The following PHF13 variants were observed in gnomAD, a reference collection of about 807,000 sequenced individuals.
PHF13 encodes PHD finger protein 13, also known as PHD zinc finger protein PHF5.
PHF13 carries 1 observed loss-of-function variant against 25.8 expected under a neutral mutation model. The ratio of observed to expected loss-of-function variants is 0.04; its 90% confidence interval spans 0.01 to 0.18. The LOEUF (loss-of-function observed/expected upper bound fraction) is 0.18, where lower values mean the gene tolerates loss of function less well. Among genes scored for constraint, PHF13 ranks in the 10% least tolerant of loss-of-function variants. The probability of loss-of-function intolerance (pLI) is 1.00; values close to 1 mark genes in which losing one functional copy is unlikely to be tolerated. For missense variants in PHF13, 306 were observed against 403.2 expected (o/e 0.76, Z 2.06); for synonymous variants, 195 against 162.4 (o/e 1.20, Z -1.53).
At position 6,620,066 on chromosome 1, in the gene PHF13, C is replaced by T. The variant is rs1382386892; in HGVS notation, c.405C>T (p.Tyr135=). The T allele has an allele frequency of 2.5e-6, 4 of 1,613,260 alleles. No homozygotes were observed. The highest frequency in any genetic ancestry group is 1.6e-4 in the Middle Eastern group (1 of 6,084). Residue 135 remains tyrosine (Y), a synonymous_variant, in exon 3 of 4, where the codon TAC becomes TAT. Transcript: ENST00000377648. Reference sequence around the variant, plus strand: ...GTGATGCGCCTGGGAAAGAGGGGTACAGGGGGGGCTTGCTGAAGCTGGAAG... The same window carrying T: ...GTGATGCGCCTGGGAAAGAGGGGTATAGGGGGGGCTTGCTGAAGCTGGAAG... The part of the protein sequence containing the change: ...RDSDAPGKEG[Y]RGGLLKLEAA...
Position 6,614,116 on chromosome 1 carries a change from C to T in PHF13, c.39+11C>T, listed in dbSNP as rs1022805654. 1 of 1,597,418 alleles carries T rather than the reference C, an allele frequency of 6.3e-7. No homozygotes were observed. The highest frequency in any genetic ancestry group is 8.5e-7 in the Non-Finnish European group (1 of 1,173,582). On this transcript the variant is annotated intron_variant, in intron 1 of 3. Transcript: ENST00000377648. ...GCCTTCCACCCGGAGGTGAGTGAAG[C>T]TGTGCGTCCGAATCGCCCCCGACCA... is the stretch of plus-strand genomic sequence containing the variant.
chr1:6,616,725 C>A (rs376862032), intron 1 of PHF13, 32 bp from the exon 2 acceptor site: 17 of 1,582,520 alleles, frequency 1.1e-5, no homozygotes, highest in Non-Finnish European at 1.3e-5. Flanking sequence ...GCCTCTCCTT[C>A]AAACACATTC....
chr1:6,616,781 C>T lies in PHF13; in HGVS notation c.64C>T (p.Arg22Cys). The T allele has an allele frequency of 1.2e-6, 2 of 1,614,092 alleles. No homozygotes were observed. The highest frequency in any genetic ancestry group is 2.2e-5 in the East Asian group (1 of 44,890). Residue 22 changes from arginine (R) to cysteine (C), a missense_variant, in exon 2 of 4, where the codon CGC (arginine) becomes TGC (cysteine). Transcript: ENST00000377648. The stretch of plus-strand genomic sequence containing the variant: ...GGAATACTCCCCCAGTTGCAAGAGG[C>T]GCAGGACCGTGGAAGACTTCAACAA... ...PEEYSPSCKR[R>C]RTVEDFNKFC...
rs547958436 is a variant in PHF13, at chr1:6,614,290, G to A, written c.39+185G>A. On this transcript the variant is annotated intron_variant, in intron 1 of 3. Coordinates refer to ENST00000377648, the MANE Select transcript of PHF13 (RefSeq NM_153812.3). ...GGCCCGCGCTCGGTCCTCTCCGCCG[G>A]GCCTCGCCTCCGCGTCCCCTCCGCG... 4.5e-4 allele frequency among the ~76,000 whole-genome samples: 66 copies of A among 146,062 alleles called. 1 individual carries two copies. The highest frequency in any genetic ancestry group is 1.4e-3 in the African/African-American group (54 of 39,132).
In PHF13 at chr1:6,620,135, G is replaced by A; in HGVS notation, c.474G>A (p.Gln158=). The A allele has an allele frequency of 6.2e-7, 1 of 1,613,748 alleles. No individual in the cohort carries two copies. The highest frequency in any genetic ancestry group is 1.1e-5 in the South Asian group (1 of 91,082). ...YVETPTSPTL[Q]DIPQAPSDPC... ...AGACCCCCACGAGTCCCACCTTGCA[G>A]GATATCCCCCAGGCTCCCAGCGACC... Residue 158 remains glutamine, a synonymous_variant, in exon 3 of 4, where the codon CAG becomes CAA. Transcript: ENST00000377648.
intron 2 of PHF13, 88 bp downstream of exon 2, chr1:6,616,946 A>AG: frequency 9.0e-7 from 1 of 1,111,928 alleles, no homozygotes. Context: ...GACTGGTCAG[A>AG]GGGTCAGTAG....
At chr1:6,614,384 C>G (rs1570220946) in intron 1 of PHF13, 1 of 435,824 alleles carries the variant, frequency 2.3e-6, no homozygotes, top group Non-Finnish European at 4.1e-6. Flanking sequence ...CGGGCCGCCC[C>G]TCTCCGGCCT....
rs1035285754 is a variant in PHF13, at chr1:6,623,781, C to T, written c.*2144C>T. ...AGCTTCTTTATATGCAAATTAGGCA[C>T]GACCCATCTGTGGTTCCTGGTTGGT... On this transcript the variant is annotated 3_prime_UTR_variant, in exon 4 of 4. Coordinates refer to ENST00000377648, the MANE Select transcript of PHF13 (RefSeq NM_153812.3). The T allele has an allele frequency of 4.6e-5, 7 of 152,604 alleles. No individual in the cohort carries two copies. The highest frequency in any genetic ancestry group is 1.7e-4 in the African/African-American group (7 of 41,436). 9.5% of individuals were successfully genotyped at this position (152,604 alleles called of 1,614,324 possible).
chr1:6,619,694 G>A (rs1641309573), intron 2 of PHF13, 109 bp from the exon 3 acceptor site: 1 of 1,152,162 alleles, frequency 8.7e-7, no homozygotes, highest in African/African-American at 1.5e-5. Context: ...GAAGCTCAAA[G>A]TTGTGCAGAT....
In PHF13 at chr1:6,621,643, G is replaced by A; in HGVS notation, c.*6G>A. 1 of 1,613,864 alleles carries A rather than the reference G, an allele frequency of 6.2e-7. No homozygotes were observed. The highest frequency in any genetic ancestry group is 8.5e-7 in the Non-Finnish European group (1 of 1,179,868). ...GGAAGCTGTTCCTGGACTGACTGCT[G>A]GCTGGCGAGGAGGCTGCGAGCGTGG... On this transcript the variant is annotated 3_prime_UTR_variant, in exon 4 of 4. Coordinates refer to ENST00000377648, the MANE Select transcript of PHF13 (RefSeq NM_153812.3). This position sits in a 1 kb window ranked among gnomAD's most constrained non-coding sequence, Gnocchi z 4.8.
Position 6,614,105 on chromosome 1 carries a change from G to A in PHF13, c.39G>A (p.Glu13=), listed in dbSNP as rs1482766051. 6.3e-7 allele frequency: 1 copy of A among 1,598,704 alleles called. No homozygotes were observed. Among genetic ancestry groups the A allele is most frequent in the East Asian group, 2.3e-5 (1 of 42,822 alleles). ...CTTGCGCCGCCGCCTTCCACCCGGAGGTGAGTGAAGCTGTGCGTCCGAATC... is the reference window on the plus strand; with the variant it reads ...CTTGCGCCGCCGCCTTCCACCCGGAAGTGAGTGAAGCTGTGCGTCCGAATC... The part of the protein sequence containing the change: ...SDSCAAAFHP[E]EYSPSCKRRR... Residue 13 remains glutamate (E), a splice_region_variant and synonymous_variant, in exon 1 of 4, where the codon GAG becomes GAA. Coordinates refer to ENST00000377648, the MANE Select transcript of PHF13 (RefSeq NM_153812.3).
At chr1:6,618,113 C>T (rs997458117) in intron 2 of PHF13, among the ~76,000 whole-genome samples, 5 of 151,450 alleles carry the variant, frequency 3.3e-5, no homozygotes, top group East Asian at 3.9e-4. Context: ...CTTTCGTATT[C>T]GATTAAGCTC....
In PHF13 at chr1:6,621,638, C is replaced by A; in HGVS notation, c.*1C>A. 6.2e-7 allele frequency: 1 copy of A among 1,613,992 alleles called. No individual in the cohort carries two copies. The highest frequency in any genetic ancestry group is 8.5e-7 in the Non-Finnish European group (1 of 1,179,958). On this transcript the variant is annotated 3_prime_UTR_variant, in exon 4 of 4. Transcript: ENST00000377648. The surrounding 1 kb of genome is among the most constrained non-coding windows in gnomAD (Gnocchi z 4.8). ...CTCCCGGAAGCTGTTCCTGGACTGA[C>A]TGCTGGCTGGCGAGGAGGCTGCGAG...
At position 6,621,067 on chromosome 1, in the gene PHF13, G is replaced by A. The variant is rs1641331866; in HGVS notation, c.677-344G>A. On this transcript the variant is annotated intron_variant, in intron 3 of 3. Coordinates refer to ENST00000377648, the MANE Select transcript of PHF13 (RefSeq NM_153812.3). The surrounding 1 kb of genome is among the most constrained non-coding windows in gnomAD (Gnocchi z 4.8). The stretch of plus-strand genomic sequence containing the variant: ...AAAAACAATAGTCGAGTGTGGTGGT[G>A]TGTGCCTGTAGTCCCAGCTATTTGG... Among the ~76,000 whole-genome samples the A allele has an allele frequency of 6.6e-6, 1 of 151,174 alleles. No homozygotes were observed. Among genetic ancestry groups the A allele is most frequent in the Non-Finnish European group, 1.5e-5 (1 of 67,852 alleles).
Position 6,621,384 on chromosome 1 carries a change from C to A in PHF13, c.677-27C>A. The A allele has an allele frequency of 6.2e-7, 1 of 1,609,588 alleles. No homozygotes were observed. Among genetic ancestry groups the A allele is most frequent in the Non-Finnish European group, 8.5e-7 (1 of 1,176,154 alleles). On this transcript the variant is annotated intron_variant, in intron 3 of 3. Coordinates refer to ENST00000377648, the MANE Select transcript of PHF13 (RefSeq NM_153812.3). The surrounding 1 kb of genome is among the most constrained non-coding windows in gnomAD (Gnocchi z 4.8). Reference sequence around the variant, plus strand: ...CGAGGAATGATGGGAATTTCTCTTCCCTCCTTGAGAGTATCTTTCCTTCCA... The same window carrying A: ...CGAGGAATGATGGGAATTTCTCTTCACTCCTTGAGAGTATCTTTCCTTCCA...
intron 2 of PHF13, among the ~76,000 whole-genome samples, chr1:6,617,361 C>T (rs1372406975): frequency 6.6e-6 from 1 of 151,464 alleles, no homozygotes; most frequent in Non-Finnish European, 1.5e-5. Context: ...GCTGGGATTA[C>T]AGGCGTGAGC....
rs1175395107 is a variant in PHF13 at position 6,614,927 on chromosome 1, C to T, written c.39+822C>T. Among the ~76,000 whole-genome samples the T allele has an allele frequency of 2.0e-5, 3 of 149,932 alleles. No individual in the cohort carries two copies. In the East Asian group the frequency reaches 6.0e-4, roughly 30 times the overall value. ...GCGGGTGGGGGAGGGGAGGCGGCGC[C>T]GGAGCCCGCCGGTCTCGCTGCCGCC... On this transcript the variant is annotated intron_variant, in intron 1 of 3. Coordinates refer to ENST00000377648, the MANE Select transcript of PHF13 (RefSeq NM_153812.3).
Position 6,614,122 on chromosome 1 carries a change from GT to G in PHF13, c.39+18del. 4.4e-6 allele frequency: 7 copies of G among 1,595,902 alleles called. No homozygotes were observed. Among genetic ancestry groups the G allele is most frequent in the Non-Finnish European group, 6.0e-6 (7 of 1,172,986 alleles). On this transcript the variant is annotated intron_variant, in intron 1 of 3. Coordinates refer to ENST00000377648, the MANE Select transcript of PHF13 (RefSeq NM_153812.3). ...CACCCGGAGGTGAGTGAAGCTGTGC[GT>G]CCGAATCGCCCCCGACCACCCCCTC... is the stretch of plus-strand genomic sequence containing the variant.
intron 2 of PHF13, among the ~76,000 whole-genome samples, chr1:6,618,831 G>T (rs1641298803): frequency 6.6e-6 from 1 of 151,908 alleles, no homozygotes; most frequent in African/African-American, 2.4e-5. Context: ...ATTTTTGGTA[G>T]AGAGGGGGTT....
Sources: allele counts gnomAD v4.1 joint callset (sites outside exome capture counted in the v4.1 genomes callset), GRCh38; gene constraint gnomAD v4.1.1; non-coding constraint Gnocchi (gnomAD v3.1); transcripts MANE v1.5; gene names NCBI Gene and HGNC (gene_info 2026-07-23, HGNC 2026-07-21).